SCARA5: variants seen among roughly 807,000 people sequenced by gnomAD.
SCARA5 encodes the protein scavenger receptor class A member 5.
Under a neutral mutation model 46.3 loss-of-function variants are expected in SCARA5, and 45 were observed. The observed-to-expected ratio is 0.97, with a 90% CI of 0.76 to 1.24. The LOEUF is 1.24. Ranked by LOEUF, SCARA5 falls within the 50% of genes most tolerant of loss-of-function variation. The pLI, the probability that SCARA5 is intolerant of heterozygous loss-of-function variation, is 0.00. For missense variants in SCARA5, 680 were observed against 689.0 expected (o/e 0.99, Z 0.15); for synonymous variants, 333 against 306.5 (o/e 1.09, Z -0.90).
chr8:27,951,186 T>C (rs903779121), intron 3 of SCARA5, among the ~76,000 whole-genome samples: 47 of 152,218 alleles, frequency 3.1e-4, no homozygotes, highest in African/African-American at 1.1e-3. Flanking sequence ...TAGTGAATGA[T>C]ACAGAGGGAT....
intron 3 of SCARA5, among the ~76,000 whole-genome samples, chr8:27,929,192 C>T (rs1173240902): frequency 6.6e-6 from 1 of 152,196 alleles, no homozygotes; most frequent in Non-Finnish European, 1.5e-5. Context: ...AGCTAGGTGG[C>T]TTGCCCCTGC....
intron 7 of SCARA5, among the ~76,000 whole-genome samples, chr8:27,902,944 G>A (rs1457710916): frequency 6.6e-6 from 1 of 152,152 alleles, no homozygotes; most frequent in Non-Finnish European, 1.5e-5. Context: ...GGGGGTCCAG[G>A]ATCAGCCTGG....
chr8:27,959,040 C>T (rs991776530), intron 3 of SCARA5, among the ~76,000 whole-genome samples: 1 of 152,140 alleles, frequency 6.6e-6, no homozygotes, highest in African/African-American at 2.4e-5. Flanking sequence ...TAAGACCAGC[C>T]TGGCAAACAT....
chr8:27,921,528 T>A, intron 4 of SCARA5, 43 bp downstream of exon 4: 2 of 1,495,700 alleles, frequency 1.3e-6, no homozygotes, highest in Non-Finnish European at 1.8e-6. Flanking sequence ...GAAGACCCCA[T>A]CAGAAGGGGC....
intron 6 of SCARA5, 89 bp from the exon 7 acceptor site, chr8:27,904,923 G>T: frequency 8.4e-7 from 1 of 1,190,306 alleles, no homozygotes; most frequent in South Asian, 1.3e-5. Context: ...ATGAACTCGA[G>T]ACCAGAGAAA....
chr8:27,895,939 A>G (rs554599773), intron 7 of SCARA5, among the ~76,000 whole-genome samples: 1 of 152,296 alleles, frequency 6.6e-6, no homozygotes, highest in Non-Finnish European at 1.5e-5. Flanking sequence ...TAATAAACGA[A>G]GCGCTTTCCT....
intron 3 of SCARA5, among the ~76,000 whole-genome samples, chr8:27,963,736 T>G (rs1808324485): frequency 1.3e-5 from 2 of 152,330 alleles, no homozygotes; most frequent in Admixed American, 6.5e-5. Context: ...GTGGGGCTTA[T>G]AAGACTCATA....
rs138480005 is a variant in SCARA5 at position 27,966,528 on chromosome 8, G to T, written c.127C>A (p.Arg43=). 2.4e-5 allele frequency: 38 copies of T among 1,612,764 alleles called. No homozygotes were observed. The highest frequency in any genetic ancestry group is 3.1e-5 in the Non-Finnish European group (36 of 1,179,518). Residue 43 remains arginine, a synonymous_variant, in exon 3 of 9, where the codon CGG becomes AGG. Transcript: ENST00000354914. ...NLCEDGPCHK[R]RASICCTQLG... ...TGGGTACAGCAGATGCTTGCCCGCC[G>T]TTTGTGACATGGACCTGGACAATAA... is the stretch of plus-strand genomic sequence containing the variant.
At chr8:27,928,826 C>A (rs146729645) in intron 3 of SCARA5, among the ~76,000 whole-genome samples, 46 of 152,084 alleles carry the variant, frequency 3.0e-4, no homozygotes, top group Middle Eastern at 6.8e-3. Context: ...CCACCACACC[C>A]GGCTAGTTTT....
At chr8:27,988,753 C>T (rs1344011586) in intron 1 of SCARA5, among the ~76,000 whole-genome samples, 1 of 152,228 alleles carries the variant, frequency 6.6e-6, no homozygotes, top group Non-Finnish European at 1.5e-5. Context: ...AAGGTTCCAG[C>T]CATGAGTTTA....
intron 3 of SCARA5, among the ~76,000 whole-genome samples, chr8:27,949,277 G>C (rs1808085957): frequency 6.6e-6 from 1 of 152,258 alleles, no homozygotes; most frequent in African/African-American, 2.4e-5. Flanking sequence ...CGGAGCTCTT[G>C]ACCAGGAAAC....
At chr8:27,981,042 G>A (rs184127831) in intron 2 of SCARA5, among the ~76,000 whole-genome samples, 160 of 152,270 alleles carry the variant, frequency 1.1e-3, no homozygotes, top group Middle Eastern at 6.8e-3. Flanking sequence ...CTTTGCAGGG[G>A]ACTCCCAAAG....
At chr8:27,916,931 G>A (rs1585486471) in intron 4 of SCARA5, among the ~76,000 whole-genome samples, 3 of 152,230 alleles carry the variant, frequency 2.0e-5, no homozygotes, top group South Asian at 4.2e-4. Context: ...AGTCAGGAGG[G>A]TGAGGCCCTT....
intron 3 of SCARA5, among the ~76,000 whole-genome samples, chr8:27,927,472 T>C (rs566682949): frequency 1.3e-5 from 2 of 152,354 alleles, no homozygotes; most frequent in African/African-American, 2.4e-5. Context: ...GCATATTCAA[T>C]CTTTATAATT....
intron 3 of SCARA5, among the ~76,000 whole-genome samples, chr8:27,945,333 A>G (rs1467711702): frequency 2.6e-5 from 4 of 152,234 alleles, no homozygotes; most frequent in Non-Finnish European, 5.9e-5. Flanking sequence ...GCATCCTGCC[A>G]AACTCAAACC....
At chr8:27,911,483 G>A (rs532189935) in intron 4 of SCARA5, among the ~76,000 whole-genome samples, 1 of 152,304 alleles carries the variant, frequency 6.6e-6, no homozygotes, top group East Asian at 1.9e-4. Flanking sequence ...CCTGAGGTCA[G>A]GAGTTCGAGG....
At chr8:27,937,528 A>G (rs1006618998) in intron 3 of SCARA5, among the ~76,000 whole-genome samples, 2 of 152,092 alleles carry the variant, frequency 1.3e-5, no homozygotes, top group African/African-American at 2.4e-5. Flanking sequence ...CACTCTCTCT[A>G]AGTCCCTGAC....
At chr8:27,974,423 T>C (rs1034473233) in intron 2 of SCARA5, among the ~76,000 whole-genome samples, 1 of 152,088 alleles carries the variant, frequency 6.6e-6, no homozygotes, top group African/African-American at 2.4e-5. Flanking sequence ...AAAATGAGTG[T>C]TTATTTCCAA....
chr8:27,879,449 T>C (rs1806773465), intron 8 of SCARA5, 120 bp downstream of exon 8: 3 of 931,112 alleles, frequency 3.2e-6, no homozygotes, highest in Non-Finnish European at 5.0e-6. Flanking sequence ...CAGCAAGCAT[T>C]TGGGGAGAGG....
Sources: gnomAD v4.1 joint callset for allele counts (sites outside exome capture counted in the v4.1 genomes callset) on GRCh38, gnomAD v4.1.1 for gene constraint, MANE v1.5 for transcripts, NCBI Gene and HGNC (gene_info 2026-07-23, HGNC 2026-07-21) for gene names.